Variants in STARD8 observed in about 807,000 individuals in gnomAD.
STARD8 encodes stAR-related lipid transfer protein 8.
STARD8 carries 25 observed loss-of-function variants against 69.4 expected under a neutral mutation model. The ratio of observed to expected loss-of-function variants is 0.36; its 90% CI spans 0.26 to 0.50. The LOEUF is 0.50. STARD8 is among the 20% of genes least tolerant of loss of function. STARD8 has a pLI of 0.96. For synonymous variants in STARD8, 389 were observed against 374.6 expected (o/e 1.04, Z -0.45); for missense variants, 921 against 932.5 (o/e 0.99, Z 0.16).
At position 68,712,909 on chromosome X, in the gene STARD8, T is replaced by C. The variant is rs2080062402; in HGVS notation, c.80-5T>C. On this transcript the variant is annotated splice_region_variant and splice_polypyrimidine_tract_variant and intron_variant, in intron 2 of 14. Transcript: ENST00000374599. ...TGCCTGTTTCTTTCCCTTGTTCTGT[T>C]TTAGAAGCCGAGGCCAAAAGAGCAT... The C allele has an allele frequency of 2.5e-6, 3 of 1,202,977 alleles. No individual in the cohort carries two copies. The highest frequency in any genetic ancestry group is 3.4e-6 in the Non-Finnish European group (3 of 890,747).
intron 2 of STARD8, among the ~76,000 whole-genome samples, chrX:68,694,500 A>T (rs1032331522): frequency 9.0e-6 from 1 of 110,588 alleles, no homozygotes; most frequent in African/African-American, 3.3e-5. Flanking sequence ...GGTTCTCTCC[A>T]CGTTCCTCCT....
At chrX:68,658,122 A>T (rs1474558666) in intron 1 of STARD8, among the ~76,000 whole-genome samples, 1 of 111,501 alleles carries the variant, frequency 9.0e-6, no homozygotes, top group East Asian at 2.8e-4. Context: ...TAATATTTGC[A>T]CTTGATCTTA....
intron 2 of STARD8, among the ~76,000 whole-genome samples, chrX:68,709,111 G>A (rs2080030409): frequency 8.9e-6 from 1 of 112,468 alleles, no homozygotes; most frequent in South Asian, 3.7e-4. Flanking sequence ...CCCTCCATGA[G>A]ATGGTGTATT....
intron 2 of STARD8, among the ~76,000 whole-genome samples, chrX:68,681,370 A>G (rs1210097708): frequency 8.9e-6 from 1 of 111,836 alleles, no homozygotes; most frequent in African/African-American, 3.3e-5. Context: ...CAGGGCAGAA[A>G]AAAAAATCTT....
intron 2 of STARD8, among the ~76,000 whole-genome samples, chrX:68,700,773 G>A (rs1198665274): frequency 1.8e-5 from 2 of 111,720 alleles, no homozygotes; most frequent in Non-Finnish European, 3.8e-5. Flanking sequence ...GGTCAGAGTG[G>A]AGCAGAAGTA....
At chrX:68,723,573 C>T (rs1322225873) in intron 12 of STARD8, 53 bp from the exon 13 acceptor site, 2 of 1,044,510 alleles carry the variant, frequency 1.9e-6, no homozygotes, top group African/African-American at 1.9e-5. Context: ...GGGCTGGAGT[C>T]AGAGTTCTCC....
At position 68,712,981 on chromosome X, in the gene STARD8, T is replaced by C. The variant is rs773433307; in HGVS notation, c.147T>C (p.Phe49=). Residue 49 remains phenylalanine, a synonymous_variant, in exon 3 of 15, where the codon TTT becomes TTC. Transcript: ENST00000374599. ...ATGFPQYVQL[F]EEGSFPLDIG... is the part of the protein sequence containing the mutation. Reference sequence around the variant, plus strand: ...GATTCCCTCAGTATGTGCAGCTTTTTGAAGGTAAGGCCACTCAACTGTTTA... The same window carrying C: ...GATTCCCTCAGTATGTGCAGCTTTTCGAAGGTAAGGCCACTCAACTGTTTA... The C allele has an allele frequency of 4.2e-6, 5 of 1,202,894 alleles. No individual in the cohort carries two copies. The African/African-American group carries it at 8.8e-5, about 21-fold the overall frequency.
chrX:68,724,117 C>T lies in STARD8; in HGVS notation c.3190C>T (p.Leu1064Phe), dbSNP rs758878683. 1,017 of 1,208,216 alleles carry T rather than the reference C, an allele frequency of 8.4e-4. 7 individuals are homozygous for T. In the South Asian group the frequency reaches 0.017, roughly 20 times the overall value. The change falls in exon 14 of 15, where the codon CTC becomes TTC. Residue 1064 changes from leucine (L) to phenylalanine (F), a missense_variant. Coordinates refer to ENST00000374599, the MANE Select transcript of STARD8 (RefSeq NM_001142503.3). Reference protein sequence around the residue: ...SRLTHICRADLRGRSPDWYNK... With the variant: ...SRLTHICRADFRGRSPDWYNK... ...GCTCACACACATCTGCCGGGCTGAC[C>T]TCAGGTATCAGGCCTGGGACAGCCT...
intron 10 of STARD8, 106 bp downstream of exon 10, chrX:68,721,852 A>C: frequency 1.1e-6 from 1 of 886,836 alleles, no homozygotes; most frequent in Non-Finnish European, 1.6e-6. Flanking sequence ...CAGCCTCACC[A>C]CAAGGAGTGA....
At chrX:68,653,057 A>C (rs2079570105) in intron 1 of STARD8, among the ~76,000 whole-genome samples, 1 of 33,111 alleles carries the variant, frequency 3.0e-5, no homozygotes, top group Non-Finnish European at 5.6e-5. Context: ...CACACACCAC[A>C]CACACCACAC....
rs2080081896 is a variant in STARD8 at position 68,715,167 on chromosome X, C to T, written c.152-127C>T. The T allele has an allele frequency of 1.1e-5, 6 of 552,822 alleles. No individual in the cohort carries two copies. The Admixed American group carries it at 1.1e-4, about 10-fold the overall frequency. The allele number at this position is 552,822 out of a possible 1,213,427, so 45.6% of individuals were successfully genotyped here. A position where few individuals can be genotyped will look rare whatever the true frequency, so the allele number is the denominator to read the frequency against. ...CCCTCCTTTATTCCTGACTTTTTTTCCTTCTGCTTTGCCTCTTGTCTTCCT... is the reference window on the plus strand; with the variant it reads ...CCCTCCTTTATTCCTGACTTTTTTTTCTTCTGCTTTGCCTCTTGTCTTCCT... On this transcript the variant is annotated intron_variant, in intron 3 of 14. Transcript: ENST00000374599.
At chrX:68,663,985 C>T (rs1051971784) in intron 1 of STARD8, among the ~76,000 whole-genome samples, 1 of 111,627 alleles carries the variant, frequency 9.0e-6, no homozygotes, top group East Asian at 2.8e-4. Flanking sequence ...TGGATCAGAC[C>T]TTTAGTCATT....
intron 14 of STARD8, 32 bp downstream of exon 14, chrX:68,724,153 C>A: frequency 1.7e-6 from 2 of 1,198,735 alleles, no homozygotes; most frequent in African/African-American, 3.5e-5. Flanking sequence ...GCTCGACCCC[C>A]TTGGCCTTGA....
intron 1 of STARD8, among the ~76,000 whole-genome samples, chrX:68,662,224 G>A (rs1826592184): frequency 9.1e-6 from 1 of 109,642 alleles, no homozygotes; most frequent in African/African-American, 3.3e-5. Context: ...GGTCAGGCTG[G>A]TCTCGAACTC....
intron 3 of STARD8, among the ~76,000 whole-genome samples, chrX:68,713,298 G>T (rs1012395454): frequency 8.9e-6 from 1 of 112,549 alleles, no homozygotes; most frequent in Non-Finnish European, 1.9e-5. Flanking sequence ...GAAGAATGCC[G>T]CCTGGAGTTG....
chrX:68,648,516 T>C (rs1489375062), intron 1 of STARD8, among the ~76,000 whole-genome samples: 2 of 111,433 alleles, frequency 1.8e-5, no homozygotes, highest in African/African-American at 3.3e-5. Flanking sequence ...ATCCCAGCAT[T>C]CTGGGAGGCC....
intron 2 of STARD8, among the ~76,000 whole-genome samples, chrX:68,683,022 A>G (rs2079809973): frequency 8.9e-6 from 1 of 112,590 alleles, no homozygotes; most frequent in Non-Finnish European, 1.9e-5. Flanking sequence ...CAGCCAGGAA[A>G]CAGTCAGTTG....
chrX:68,709,662 A>G (rs919983807), intron 2 of STARD8, among the ~76,000 whole-genome samples: 13 of 109,926 alleles, frequency 1.2e-4, no homozygotes, highest in African/African-American at 4.3e-4. Context: ...CAAAAAATAA[A>G]AAGAAAATTA....
chrX:68,692,870 A>T (rs142410665), intron 2 of STARD8, among the ~76,000 whole-genome samples: 34 of 112,699 alleles, frequency 3.0e-4, no homozygotes, highest in Non-Finnish European at 4.7e-4. Flanking sequence ...ATAGCAGTTG[A>T]ACTGCATGAG....
Sources: allele counts gnomAD v4.1 joint callset (sites outside exome capture counted in the v4.1 genomes callset), GRCh38; gene constraint gnomAD v4.1.1; transcripts MANE v1.5; gene names NCBI Gene and HGNC (gene_info 2026-07-23, HGNC 2026-07-21).